MGMT: variants seen among roughly 807,000 people sequenced by gnomAD.
MGMT encodes the protein O-6-methylguanine-DNA methyltransferase.
A neutral mutation model predicts 15.9 loss-of-function variants in MGMT; 14 were observed. That is an observed-to-expected ratio of 0.88 (90% CI 0.58 to 1.37). The LOEUF is 1.37. Among genes scored for constraint, MGMT ranks in the 40% most tolerant of loss-of-function variants. The pLI is 0.00. For missense variants in MGMT, 282 were observed against 268.1 expected (o/e 1.05, Z -0.36); for synonymous variants, 130 against 118.2 (o/e 1.10, Z -0.65).
At chr10:129,646,494 T>C (rs958365757) in intron 2 of MGMT, among the ~76,000 whole-genome samples, 6 of 151,758 alleles carry the variant, frequency 4.0e-5, no homozygotes, top group African/African-American at 7.3e-5. Context: ...TCGACATGAT[T>C]ATGCCTGTGA....
At chr10:129,751,601 G>T (rs537010218) in intron 3 of MGMT, among the ~76,000 whole-genome samples, 1 of 151,830 alleles carries the variant, frequency 6.6e-6, no homozygotes, top group Admixed American at 6.6e-5. Context: ...TAAGTTGGAA[G>T]TTTAGATTAT....
At chr10:129,542,447 A>C (rs929948648) in intron 2 of MGMT, among the ~76,000 whole-genome samples, 2 of 152,144 alleles carry the variant, frequency 1.3e-5, no homozygotes, top group African/African-American at 4.8e-5. Flanking sequence ...CATTCACGTT[A>C]CTATAATTGA....
intron 2 of MGMT, among the ~76,000 whole-genome samples, chr10:129,604,743 T>TCCC (rs930185905): frequency 1.0e-5 from 1 of 100,240 alleles, no homozygotes; most frequent in Non-Finnish European, 2.0e-5. Flanking sequence ...CCCCACCCCC[T>TCCC]CCCCCCGGCT....
intron 3 of MGMT, among the ~76,000 whole-genome samples, chr10:129,739,824 A>G (rs976787368): frequency 6.6e-6 from 1 of 152,064 alleles, no homozygotes; most frequent in Non-Finnish European, 1.5e-5. Context: ...GTTATTTTAT[A>G]TGTGGCCTAA....
chr10:129,539,422 GCT>G (rs2119765724), intron 2 of MGMT, among the ~76,000 whole-genome samples: 1 of 152,218 alleles, frequency 6.6e-6, no homozygotes, highest in East Asian at 1.9e-4. Context: ...TTCCTGTTTT[GCT>G]CTGTTTGGTT....
intron 2 of MGMT, among the ~76,000 whole-genome samples, chr10:129,662,336 C>G (rs1847607089): frequency 6.6e-6 from 1 of 152,126 alleles, no homozygotes; most frequent in Admixed American, 6.5e-5. Context: ...CCAGTCATCC[C>G]AGCTCGCCTG....
chr10:129,536,587 C>T lies in MGMT; in HGVS notation c.125+210C>T, dbSNP rs775246573. ...GTGTTGCCCAGGAGCTCTCCACCTCCGATGAACCCAGGGCCGTTCCCTTCA... is the reference window on the plus strand; with the variant it reads ...GTGTTGCCCAGGAGCTCTCCACCTCTGATGAACCCAGGGCCGTTCCCTTCA... On this transcript the variant is annotated intron_variant, in intron 2 of 4. Transcript: ENST00000651593. 26 of 554,184 alleles carry T rather than the reference C, an allele frequency of 4.7e-5. No individual in the cohort carries two copies. In the Admixed American group the frequency reaches 6.1e-4, roughly 13 times the overall value. 34.3% of individuals were successfully genotyped at this position (554,184 alleles called of 1,614,324 possible). A position where few individuals can be genotyped will look rare whatever the true frequency, so the allele number is the denominator to read the frequency against.
intron 2 of MGMT, among the ~76,000 whole-genome samples, chr10:129,579,294 G>A (rs1846523797): frequency 6.6e-6 from 1 of 152,160 alleles, no homozygotes; most frequent in Non-Finnish European, 1.5e-5. Flanking sequence ...TCACACAGTC[G>A]CCTGGCACTG....
intron 2 of MGMT, chr10:129,700,929 A>T (rs1159681401): frequency 1.3e-5 from 2 of 152,196 alleles, no homozygotes; most frequent in African/African-American, 4.8e-5. Context: ...CTTTGGCTGA[A>T]GGCATGTTCC....
chr10:129,761,091 T>A (rs2133186893), intron 4 of MGMT, among the ~76,000 whole-genome samples: 1 of 152,256 alleles, frequency 6.6e-6, no homozygotes, highest in Middle Eastern at 3.4e-3. Flanking sequence ...GTGAGTCAAT[T>A]TTGAGGTGTT....
intron 3 of MGMT, among the ~76,000 whole-genome samples, chr10:129,725,255 G>T (rs1046188910): frequency 7.9e-5 from 12 of 152,224 alleles, no homozygotes; most frequent in African/African-American, 2.9e-4. Context: ...CCAGGCAGCT[G>T]CTCTCACCTG....
At chr10:129,652,624 C>T (rs1338333795) in intron 2 of MGMT, among the ~76,000 whole-genome samples, 4 of 152,210 alleles carry the variant, frequency 2.6e-5, no homozygotes, top group African/African-American at 9.6e-5. Flanking sequence ...GGTGCTGTCC[C>T]CCGCAGTGGC....
At chr10:129,498,910 C>T (rs577781700) in intron 1 of MGMT, among the ~76,000 whole-genome samples, 25 of 152,262 alleles carry the variant, frequency 1.6e-4, no homozygotes, top group African/African-American at 4.8e-4. Context: ...TCTACTGACC[C>T]GTGCATCTGC....
intron 3 of MGMT, among the ~76,000 whole-genome samples, chr10:129,756,818 G>T (rs1360278471): frequency 2.0e-5 from 3 of 152,220 alleles, no homozygotes; most frequent in South Asian, 2.1e-4. Context: ...TGAAGTGATT[G>T]TTCCAGCTGC....
At chr10:129,613,959 A>G (rs1000003241) in intron 2 of MGMT, among the ~76,000 whole-genome samples, 8 of 152,210 alleles carry the variant, frequency 5.3e-5, no homozygotes, top group Non-Finnish European at 1.2e-4. Flanking sequence ...AAATATACAT[A>G]AAATTTCCCA....
At chr10:129,473,344 G>T (rs1032344323) in intron 1 of MGMT, among the ~76,000 whole-genome samples, 2 of 152,186 alleles carry the variant, frequency 1.3e-5, no homozygotes, top group African/African-American at 4.8e-5. Flanking sequence ...TCCTGTCATG[G>T]TTCAGCTCAC....
intron 1 of MGMT, among the ~76,000 whole-genome samples, chr10:129,469,451 T>G (rs1845205999): frequency 6.6e-6 from 1 of 152,210 alleles, no homozygotes; most frequent in African/African-American, 2.4e-5. Flanking sequence ...AGCATTATTC[T>G]TGTTTCTGCA....
intron 2 of MGMT, among the ~76,000 whole-genome samples, chr10:129,592,115 T>G (rs769877035): frequency 1.1e-4 from 17 of 152,176 alleles, no homozygotes; most frequent in Admixed American, 2.6e-4. Context: ...TGCGTGTGAC[T>G]CAGGGTGACG....
At chr10:129,666,062 C>G (rs1847655480) in intron 2 of MGMT, among the ~76,000 whole-genome samples, 2 of 151,794 alleles carry the variant, frequency 1.3e-5, no homozygotes, top group African/African-American at 4.8e-5. Context: ...TTCACACAAA[C>G]AAATAATAAT....
Sources: allele counts gnomAD v4.1 joint callset (sites outside exome capture counted in the v4.1 genomes callset), GRCh38; gene constraint gnomAD v4.1.1; transcripts MANE v1.5; gene names NCBI Gene and HGNC (gene_info 2026-07-23, HGNC 2026-07-21).